DHRS7B: variants seen among roughly 807,000 people sequenced by gnomAD.
DHRS7B encodes the protein peroxisomal reductase activating PPAR-gamma.
DHRS7B carries 24 observed loss-of-function variants against 26.4 expected under a neutral mutation model. That is an observed-to-expected ratio of 0.91 (90% confidence interval 0.66 to 1.28). The LOEUF is 1.28. Among genes scored for constraint, DHRS7B ranks in the 50% most tolerant of loss-of-function variants. The pLI, the probability that DHRS7B is intolerant of heterozygous loss-of-function variation, is 0.00. For missense variants in DHRS7B, 368 were observed against 419.4 expected (o/e 0.88, Z 1.07); for synonymous variants, 142 against 166.4 (o/e 0.85, Z 1.13).
At chr17:21,147,048 A>G (rs909749095) in intron 1 of DHRS7B, among the ~76,000 whole-genome samples, 19 of 152,236 alleles carry the variant, frequency 1.2e-4, no homozygotes, top group African/African-American at 4.3e-4. Context: ...TTTCAGAGAC[A>G]TAATTTCTGT....
intron 1 of DHRS7B, among the ~76,000 whole-genome samples, chr17:21,139,524 A>T (rs1271491435): frequency 6.6e-6 from 1 of 152,064 alleles, no homozygotes; most frequent in Non-Finnish European, 1.5e-5. Context: ...AAATACAAAA[A>T]TTAGCTGGGC....
intron 5 of DHRS7B, among the ~76,000 whole-genome samples, chr17:21,186,157 A>G (rs758821276): frequency 6.6e-6 from 1 of 152,212 alleles, no homozygotes; most frequent in Non-Finnish European, 1.5e-5. Flanking sequence ...AAGTTGGTTA[A>G]CTCAGATAAG....
intron 2 of DHRS7B, 136 bp from the exon 3 acceptor site, chr17:21,178,097 C>T (rs1974423174): frequency 1.3e-6 from 1 of 794,880 alleles, no homozygotes; most frequent in Non-Finnish European, 2.0e-6. Flanking sequence ...TAGCTCCCAG[C>T]TTCATGCTGG....
rs554007010 is a variant in DHRS7B, at chr17:21,168,723, C to T, written c.21-3295C>T. 1.4e-4 allele frequency: 136 copies of T among 985,474 alleles called. 1 individual carries two copies. The African/African-American group carries it at 2.2e-3, about 16-fold the overall frequency. The allele number at this position is 985,474 out of a possible 1,614,324, so 61.0% of individuals were successfully genotyped here. A position where few individuals can be genotyped will look rare whatever the true frequency, so the allele number is the denominator to read the frequency against. ...TCTGATTCGATAGCACTTTACCAGA[C>T]TGAATGCAGACATGCGCTCTCCCCA... On this transcript the variant is annotated intron_variant, in intron 1 of 6. Transcript: ENST00000395511.
At chr17:21,166,307 G>A in intron 1 of DHRS7B, 1 of 985,438 alleles carries the variant, frequency 1.0e-6, no homozygotes, top group Non-Finnish European at 1.2e-6. Context: ...CCAGGGAGCT[G>A]AAGGCTGGCT....
chr17:21,135,000 A>G (rs928500206), intron 1 of DHRS7B, among the ~76,000 whole-genome samples: 1 of 152,154 alleles, frequency 6.6e-6, no homozygotes, highest in Non-Finnish European at 1.5e-5. Context: ...ACCTGCATTC[A>G]AGAGCACCTG....
intron 1 of DHRS7B, among the ~76,000 whole-genome samples, chr17:21,137,324 T>C (rs1473261685): frequency 7.1e-6 from 1 of 139,908 alleles, no homozygotes; most frequent in Admixed American, 7.5e-5. Flanking sequence ...TGAGACAGAG[T>C]CTTGCTCTGT....
At chr17:21,179,627 C>A (rs1379598509) in intron 3 of DHRS7B, among the ~76,000 whole-genome samples, 1 of 152,008 alleles carries the variant, frequency 6.6e-6, no homozygotes, top group Non-Finnish European at 1.5e-5. Flanking sequence ...CTATTCAAGT[C>A]CTTTGCTTGT....
intron 2 of DHRS7B, 87 bp downstream of exon 2, chr17:21,172,283 C>T (rs552932635): frequency 9.4e-6 from 14 of 1,484,698 alleles, no homozygotes; most frequent in South Asian, 2.4e-5. Flanking sequence ...ACCACCAGCG[C>T]AAATGCCCGA....
At chr17:21,156,354 C>T (rs1364249406) in intron 1 of DHRS7B, among the ~76,000 whole-genome samples, 1 of 152,112 alleles carries the variant, frequency 6.6e-6, no homozygotes, top group Non-Finnish European at 1.5e-5. Context: ...GCCTGTAATC[C>T]TAGCACTTTG....
At chr17:21,171,628 C>A in intron 1 of DHRS7B, 1 of 321,514 alleles carries the variant, frequency 3.1e-6, no homozygotes, top group Non-Finnish European at 6.1e-6. Flanking sequence ...CACAAGTATT[C>A]AGGGATTGAA....
At chr17:21,185,930 C>T (rs1008082897) in intron 5 of DHRS7B, among the ~76,000 whole-genome samples, 3 of 152,158 alleles carry the variant, frequency 2.0e-5, no homozygotes, top group African/African-American at 4.8e-5. Flanking sequence ...TCAAGTGATC[C>T]GCCCACCTCA....
At chr17:21,183,902 C>A in intron 4 of DHRS7B, 92 bp downstream of exon 4, 2 of 1,125,304 alleles carry the variant, frequency 1.8e-6, no homozygotes, top group African/African-American at 3.0e-5. Flanking sequence ...TTCCCCATCT[C>A]CATCCTCTCT....
intron 1 of DHRS7B, among the ~76,000 whole-genome samples, chr17:21,169,975 G>T (rs1207497968): frequency 6.6e-6 from 1 of 152,100 alleles, no homozygotes; most frequent in Non-Finnish European, 1.5e-5. Context: ...AAAGACCTGG[G>T]ATTGCAGTGA....
At chr17:21,185,223 C>T (rs1196526013) in intron 5 of DHRS7B, among the ~76,000 whole-genome samples, 1 of 152,238 alleles carries the variant, frequency 6.6e-6, no homozygotes, top group Admixed American at 6.5e-5. Flanking sequence ...AAAGGAAATA[C>T]TGCCTATACC....
chr17:21,157,108 T>TC (rs1257460555), intron 1 of DHRS7B, among the ~76,000 whole-genome samples: 5 of 152,134 alleles, frequency 3.3e-5, no homozygotes, highest in African/African-American at 1.2e-4. Flanking sequence ...CAAGCCCAGA[T>TC]AGATTCACTG....
chr17:21,158,443 G>C (rs1973926852), intron 1 of DHRS7B, among the ~76,000 whole-genome samples: 1 of 152,154 alleles, frequency 6.6e-6, no homozygotes, highest in African/African-American at 2.4e-5. Context: ...GTATAAACAT[G>C]AATCACTTTT....
intron 1 of DHRS7B, among the ~76,000 whole-genome samples, chr17:21,130,450 G>C (rs940367449): frequency 3.9e-5 from 6 of 152,060 alleles, no homozygotes; most frequent in Non-Finnish European, 5.9e-5. Context: ...GTTTGTAAAG[G>C]GGGGGTTCCA....
Position 21,126,981 on chromosome 17 carries a change from C to G in DHRS7B, c.10C>G (p.Pro4Ala). ...ATGAAGTTGATTGACTATGGTCTCTCCGGCTACCAGGTAGGGGCTGGGGAA... is the reference window on the plus strand; with the variant it reads ...ATGAAGTTGATTGACTATGGTCTCTGCGGCTACCAGGTAGGGGCTGGGGAA... MVS[P>A]ATRKSLPKVK... The change falls in exon 1 of 7, where the codon CCG (proline) becomes GCG (alanine). Residue 4 changes from proline (P) to alanine (A), a missense_variant. Pro to Ala is a conservative substitution (Grantham distance 27). Coordinates refer to ENST00000395511, the MANE Select transcript of DHRS7B (RefSeq NM_015510.5). The G allele has an allele frequency of 2.0e-6, 3 of 1,534,614 alleles. No individual in the cohort carries two copies. The highest frequency in any genetic ancestry group is 2.4e-5 in the South Asian group (2 of 82,992).
Sources: allele counts gnomAD v4.1 joint callset (sites outside exome capture counted in the v4.1 genomes callset), GRCh38; gene constraint gnomAD v4.1.1; transcripts MANE v1.5; gene names NCBI Gene and HGNC (gene_info 2026-07-23, HGNC 2026-07-21).